ARHGAP15: variants seen among roughly 807,000 people sequenced by gnomAD.
ARHGAP15 encodes rho GTPase-activating protein 15.
Under a neutral mutation model 63.7 loss-of-function variants are expected in ARHGAP15, and 51 were observed. That is an observed-to-expected ratio of 0.80 (90% CI 0.64 to 1.01). The LOEUF (loss-of-function observed/expected upper bound fraction) is 1.01. ARHGAP15 is among the 50% of genes least tolerant of loss of function. ARHGAP15 has a pLI of 0.00. For synonymous variants in ARHGAP15, 191 were observed against 193.8 expected (o/e 0.99, Z 0.12); for missense variants, 560 against 564.6 (o/e 0.99, Z 0.08).
chr2:143,373,621 C>A (rs1178845123), intron 6 of ARHGAP15, among the ~76,000 whole-genome samples: 1 of 100,072 alleles, frequency 1.0e-5, no homozygotes, highest in Non-Finnish European at 1.8e-5. Context: ...GAGAGCCAGA[C>A]TCTATCTCAA....
At chr2:143,622,781 TAAAAAAAAA>T (rs34925907) in intron 11 of ARHGAP15, among the ~76,000 whole-genome samples, 1 of 109,040 alleles carries the variant, frequency 9.2e-6, no homozygotes, top group African/African-American at 3.5e-5. Flanking sequence ...TTCATTTATT[TAAAAAAAAA>T]AAAAAAAAAA....
chr2:143,286,082 A>G (rs1184230573), intron 6 of ARHGAP15, among the ~76,000 whole-genome samples: 1 of 152,196 alleles, frequency 6.6e-6, no homozygotes, highest in African/African-American at 2.4e-5. Flanking sequence ...TTGTGATTTA[A>G]TCTTTTTCAT....
chr2:143,718,041 G>T (rs1684885161), intron 13 of ARHGAP15, among the ~76,000 whole-genome samples: 1 of 152,106 alleles, frequency 6.6e-6, no homozygotes, highest in African/African-American at 2.4e-5. Context: ...TAGAGCTGCA[G>T]GGTGACATCC....
chr2:143,288,386 T>G (rs571284474), intron 6 of ARHGAP15, among the ~76,000 whole-genome samples: 33 of 152,150 alleles, frequency 2.2e-4, no homozygotes, highest in Non-Finnish European at 4.6e-4. Context: ...AAAAATTACC[T>G]TTTCTAAAGT....
At chr2:143,182,283 C>G (rs1210760496) in intron 2 of ARHGAP15, among the ~76,000 whole-genome samples, 1 of 152,034 alleles carries the variant, frequency 6.6e-6, no homozygotes, top group Non-Finnish European at 1.5e-5. Flanking sequence ...ACTTACAGGC[C>G]ATTGTAGGGT....
At chr2:143,445,963 C>G (rs1358959172) in intron 8 of ARHGAP15, among the ~76,000 whole-genome samples, 1 of 151,824 alleles carries the variant, frequency 6.6e-6, no homozygotes, top group Non-Finnish European at 1.5e-5. Context: ...CAGTTTAACA[C>G]AAAAGTTATC....
intron 12 of ARHGAP15, among the ~76,000 whole-genome samples, chr2:143,635,194 C>CTTTTTTTTTTTTTTTTTTT (rs10558886): frequency 3.7e-5 from 1 of 26,888 alleles, no homozygotes; most frequent in Admixed American, 6.7e-4. Context: ...CTCTCAGGAG[C>CTTTTTTTTTTTTTTTTTTT]TTTTTTTTTT....
At chr2:143,363,118 A>C (rs1053683207) in intron 6 of ARHGAP15, among the ~76,000 whole-genome samples, 2 of 152,186 alleles carry the variant, frequency 1.3e-5, no homozygotes, top group African/African-American at 4.8e-5. Flanking sequence ...CTCCTCCAAC[A>C]TTCTAGCTCC....
intron 12 of ARHGAP15, among the ~76,000 whole-genome samples, chr2:143,628,488 C>T (rs1443983944): frequency 6.6e-6 from 1 of 152,158 alleles, no homozygotes; most frequent in Non-Finnish European, 1.5e-5. Flanking sequence ...AAGACAAAGG[C>T]CAGCAGTTTA....
intron 6 of ARHGAP15, among the ~76,000 whole-genome samples, chr2:143,429,327 A>G (rs1229542060): frequency 6.6e-6 from 1 of 151,862 alleles, no homozygotes; most frequent in Non-Finnish European, 1.5e-5. Context: ...TGTTCACTAC[A>G]GGGACAATTT....
intron 5 of ARHGAP15, among the ~76,000 whole-genome samples, chr2:143,246,749 G>C (rs113221072): frequency 2.1e-4 from 32 of 152,182 alleles, no homozygotes; most frequent in African/African-American, 6.7e-4. Context: ...AAGGAATTCA[G>C]AGACTGGGAG....
intron 13 of ARHGAP15, among the ~76,000 whole-genome samples, chr2:143,738,424 T>C (rs966239974): frequency 6.6e-6 from 1 of 152,198 alleles, no homozygotes; most frequent in African/African-American, 2.4e-5. Context: ...TCCCAAGTAA[T>C]CACTGGCCAT....
intron 6 of ARHGAP15, among the ~76,000 whole-genome samples, chr2:143,311,264 A>T (rs1305540513): frequency 6.6e-6 from 1 of 151,352 alleles, no homozygotes; most frequent in African/African-American, 2.4e-5. Flanking sequence ...TTAGAAATAT[A>T]AACTTAATCC....
chr2:143,700,046 C>G (rs892298235), intron 12 of ARHGAP15, among the ~76,000 whole-genome samples: 2 of 152,064 alleles, frequency 1.3e-5, no homozygotes, highest in Non-Finnish European at 2.9e-5. Context: ...TTTAACCCAC[C>G]ACATGCTAGC....
intron 6 of ARHGAP15, among the ~76,000 whole-genome samples, chr2:143,397,312 A>ATGTGTGTGTG (rs1378663277): frequency 3.3e-5 from 4 of 120,590 alleles, no homozygotes; most frequent in African/African-American, 1.3e-4. Context: ...AATATGAGAT[A>ATGTGTGTGTG]TGTATGTGTG....
chr2:143,183,115 C>T (rs1202235291), intron 2 of ARHGAP15, among the ~76,000 whole-genome samples: 1 of 152,200 alleles, frequency 6.6e-6, no homozygotes, highest in African/African-American at 2.4e-5. Flanking sequence ...TACTCACTGA[C>T]TTTGAGACTT....
intron 8 of ARHGAP15, among the ~76,000 whole-genome samples, chr2:143,452,619 A>C (rs1574469501): frequency 6.7e-6 from 1 of 149,538 alleles, no homozygotes; most frequent in African/African-American, 2.5e-5. Context: ...GCTGAGGTGC[A>C]CCCTTGTAGC....
At chr2:143,384,866 G>A (rs530209549) in intron 6 of ARHGAP15, among the ~76,000 whole-genome samples, 1 of 152,166 alleles carries the variant, frequency 6.6e-6, no homozygotes, top group South Asian at 2.1e-4. Flanking sequence ...TGGGGGTTGG[G>A]GGGAGGAAAA....
At chr2:143,615,864 T>C (rs1292504981) in intron 11 of ARHGAP15, among the ~76,000 whole-genome samples, 1 of 152,110 alleles carries the variant, frequency 6.6e-6, no homozygotes, top group East Asian at 1.9e-4. Context: ...TCAGAATCTG[T>C]TTGGAGAAGA....
Sources: gnomAD v4.1 joint callset for allele counts (sites outside exome capture counted in the v4.1 genomes callset) on GRCh38, gnomAD v4.1.1 for gene constraint, MANE v1.5 for transcripts, NCBI Gene and HGNC (gene_info 2026-07-23, HGNC 2026-07-21) for gene names.